Variants in ARID3B observed in about 807,000 individuals in gnomAD.
The protein encoded by ARID3B is AT-rich interaction domain 3B.
A neutral mutation model predicts 51.9 loss-of-function variants in ARID3B; 10 were observed. The observed-to-expected ratio is 0.19, with a 90% confidence interval of 0.12 to 0.33. The LOEUF is 0.33. ARID3B is among the 10% of genes least tolerant of loss of function. The pLI is 1.00. For synonymous variants in ARID3B, 205 were observed against 279.5 expected (o/e 0.73, Z 2.66); for missense variants, 483 against 716.3 (o/e 0.67, Z 3.72).
chr15:74,553,122 A>G (rs969065070), intron 2 of ARID3B, among the ~76,000 whole-genome samples: 8 of 152,232 alleles, frequency 5.3e-5, no homozygotes, highest in African/African-American at 1.9e-4. Flanking sequence ...GATTTTGGCC[A>G]TGTTCCTTTA....
At chr15:74,543,659 A>G (rs546838417) in intron 1 of ARID3B, among the ~76,000 whole-genome samples, 1 of 152,038 alleles carries the variant, frequency 6.6e-6, no homozygotes, top group East Asian at 1.9e-4. Context: ...CCCCTCTTAG[A>G]TCCTGTTTCT....
rs1240567023 is a variant in ARID3B at position 74,544,189 on chromosome 15, G to A, written c.253G>A (p.Gly85Ser). 8 of 1,613,996 alleles carry A rather than the reference G, an allele frequency of 5.0e-6. No homozygotes were observed. Among genetic ancestry groups the A allele is most frequent in the Non-Finnish European group, 6.8e-6 (8 of 1,179,868 alleles). The change falls in exon 2 of 9, where the codon GGC becomes AGC. Residue 85 changes from glycine to serine, a missense_variant. This residue lies in a region of ARID3B where 182 missense variants were observed against 244.5 expected (regional missense o/e 0.74). Coordinates refer to ENST00000346246, the MANE Select transcript of ARID3B (RefSeq NM_006465.4). ...AGCAGTGGCCCAAGTGTTTGAACGGGGCAACATGAACTCAGAGCCTGAGGA... is the reference window on the plus strand; with the variant it reads ...AGCAGTGGCCCAAGTGTTTGAACGGAGCAACATGAACTCAGAGCCTGAGGA... ...TAAVAQVFER[G>S]NMNSEPEEED...
In ARID3B at chr15:74,597,719, C is replaced by G. The variant is rs1219675430; in HGVS notation, c.*1945C>G. On this transcript the variant is annotated 3_prime_UTR_variant, in exon 9 of 9. Coordinates refer to ENST00000346246, the MANE Select transcript of ARID3B (RefSeq NM_006465.4). ...TCACAAAGGATGGACTCTTCCCACC[C>G]AGAGGATGCAGGGAAAGCACACTGT... is the stretch of plus-strand genomic sequence containing the variant. 2.1e-6 allele frequency: 1 copy of G among 480,628 alleles called. No individual in the cohort carries two copies. The highest frequency in any genetic ancestry group is 4.0e-6 in the Non-Finnish European group (1 of 249,856). 29.8% of individuals were successfully genotyped at this position (480,628 alleles called of 1,614,324 possible).
chr15:74,556,776 GTT>G (rs1283802329), intron 2 of ARID3B, among the ~76,000 whole-genome samples: 1 of 122,540 alleles, frequency 8.2e-6, no homozygotes. Flanking sequence ...TTTGTTTTTT[GTT>G]TTTTTTTTTT....
chr15:74,584,851 C>G (rs1050112144), intron 4 of ARID3B, among the ~76,000 whole-genome samples: 7 of 152,194 alleles, frequency 4.6e-5, no homozygotes, highest in African/African-American at 1.4e-4. Flanking sequence ...GGTTAAAGCC[C>G]CAGGAGTCCC....
intron 2 of ARID3B, among the ~76,000 whole-genome samples, chr15:74,545,573 C>CTT (rs2061612794): frequency 6.6e-6 from 1 of 152,134 alleles, no homozygotes; most frequent in African/African-American, 2.4e-5. Context: ...TAAGTTGTTC[C>CTT]AGCTTAAGTG....
Position 74,590,001 on chromosome 15 carries a change from G to T in ARID3B, c.879G>T (p.Thr293=). ...SITSAAFTLR[T]QYMKYLYAYE... ...CCAGCGCCGCCTTCACCCTCAGGAC[G>T]CAGTGAGTGGCCAGGGCCTGGGAGA... is the stretch of plus-strand genomic sequence containing the variant. Residue 293 remains threonine (T), a splice_region_variant and synonymous_variant, in exon 5 of 9, where the codon ACG becomes ACT. Coordinates refer to ENST00000346246, the MANE Select transcript of ARID3B (RefSeq NM_006465.4). 6.2e-7 allele frequency: 1 copy of T among 1,608,128 alleles called. No individual in the cohort carries two copies. The highest frequency in any genetic ancestry group is 8.5e-7 in the Non-Finnish European group (1 of 1,176,466).
intron 2 of ARID3B, among the ~76,000 whole-genome samples, chr15:74,549,114 C>T (rs1037042182): frequency 1.3e-5 from 2 of 151,378 alleles, no homozygotes; most frequent in African/African-American, 4.9e-5. Context: ...CTCGCTGTCA[C>T]TCAGGCTAGA....
chr15:74,593,919 G>A (rs1256949850), intron 8 of ARID3B, among the ~76,000 whole-genome samples: 1 of 152,028 alleles, frequency 6.6e-6, no homozygotes. Context: ...GTGCACACCT[G>A]TGGTCCCAGC....
At chr15:74,565,330 G>C (rs982551413) in intron 2 of ARID3B, among the ~76,000 whole-genome samples, 2 of 152,142 alleles carry the variant, frequency 1.3e-5, no homozygotes, top group African/African-American at 4.8e-5. Flanking sequence ...GGGATTACAG[G>C]TGTGAGCCAC....
intron 1 of ARID3B, among the ~76,000 whole-genome samples, chr15:74,543,081 ATC>A (rs1404707245): frequency 1.3e-5 from 2 of 152,252 alleles, no homozygotes; most frequent in Non-Finnish European, 2.9e-5. Flanking sequence ...CAATGTTGAT[ATC>A]TGTTTCAAAT....
intron 2 of ARID3B, among the ~76,000 whole-genome samples, chr15:74,546,321 C>G (rs1270773354): frequency 6.6e-6 from 1 of 152,110 alleles, no homozygotes; most frequent in Non-Finnish European, 1.5e-5. Context: ...GGATCCTGCC[C>G]TGACAGCGCT....
intron 4 of ARID3B, among the ~76,000 whole-genome samples, chr15:74,585,052 G>A (rs1055803827): frequency 2.0e-5 from 3 of 152,202 alleles, no homozygotes; most frequent in Non-Finnish European, 4.4e-5. Flanking sequence ...GTCAGAGAGA[G>A]CATGATTAAT....
intron 4 of ARID3B, chr15:74,574,948 G>A (rs1244143733): frequency 6.8e-6 from 1 of 147,378 alleles, no homozygotes; most frequent in East Asian, 2.0e-4. Flanking sequence ...GTTGCAGTGA[G>A]CCAAGATTTC....
intron 2 of ARID3B, 152 bp downstream of exon 2, chr15:74,544,640 C>T: frequency 1.7e-6 from 1 of 593,440 alleles, no homozygotes; most frequent in Non-Finnish European, 2.8e-6. Context: ...GGATTTTTTT[C>T]TTATTTAATA....
intron 1 of ARID3B, 46 bp from the exon 2 acceptor site, chr15:74,543,814 G>T: frequency 7.7e-7 from 1 of 1,305,038 alleles, no homozygotes; most frequent in South Asian, 1.4e-5. Context: ...GCTTAACATG[G>T]TTGTTTTTTC....
At chr15:74,576,659 CAA>C (rs1016046097) in intron 4 of ARID3B, among the ~76,000 whole-genome samples, 2 of 134,930 alleles carry the variant, frequency 1.5e-5, no homozygotes, top group East Asian at 4.3e-4. Context: ...GACCCTGTCT[CAA>C]AAAAAAAAAA....
At chr15:74,586,388 C>CT (rs1236905983) in intron 4 of ARID3B, among the ~76,000 whole-genome samples, 5 of 152,194 alleles carry the variant, frequency 3.3e-5, no homozygotes, top group African/African-American at 1.2e-4. Context: ...AGTTCTCAGT[C>CT]TAATATAATA....
intron 4 of ARID3B, among the ~76,000 whole-genome samples, chr15:74,576,213 G>A (rs1055261967): frequency 1.3e-5 from 2 of 152,104 alleles, no homozygotes; most frequent in Non-Finnish European, 2.9e-5. Context: ...ACGTTTAGCA[G>A]TATCCATGGC....
Sources: allele counts gnomAD v4.1 joint callset (sites outside exome capture counted in the v4.1 genomes callset), GRCh38; gene constraint gnomAD v4.1.1; regional missense constraint gnomAD v4.1.1; transcripts MANE v1.5; gene names NCBI Gene and HGNC (gene_info 2026-07-23, HGNC 2026-07-21).